Variants in EXOC4 observed in about 807,000 individuals in gnomAD.
The protein encoded by EXOC4 is exocyst complex component 4, also known as SEC8-like 1.
A neutral mutation model predicts 107.2 loss-of-function variants in EXOC4; 71 were observed. That is an observed-to-expected ratio of 0.66 (90% CI 0.55 to 0.81). The LOEUF is 0.81. EXOC4 is among the 30% of genes least tolerant of loss of function. The pLI, the probability that EXOC4 is intolerant of heterozygous loss-of-function variation, is 0.00. For synonymous variants in EXOC4, 456 were observed against 441.2 expected (o/e 1.03, Z -0.42); for missense variants, 1,108 against 1,189.6 (o/e 0.93, Z 1.01).
At chr7:133,798,661 C>T (rs1282959556) in intron 10 of EXOC4, among the ~76,000 whole-genome samples, 4 of 152,154 alleles carry the variant, frequency 2.6e-5, no homozygotes, top group African/African-American at 9.7e-5. Flanking sequence ...TCTGGGAAAG[C>T]TGAAATTCCA....
chr7:133,257,753 A>G (rs1795051902), intron 1 of EXOC4, among the ~76,000 whole-genome samples: 1 of 152,234 alleles, frequency 6.6e-6, no homozygotes, highest in South Asian at 2.1e-4. Context: ...GAAGGCTCAC[A>G]TTTTCATCAA....
chr7:133,340,038 A>G (rs1450609602), intron 5 of EXOC4, among the ~76,000 whole-genome samples: 2 of 152,102 alleles, frequency 1.3e-5, no homozygotes, highest in African/African-American at 2.4e-5. Context: ...TAGGACTTCC[A>G]GGAGTATGTT....
chr7:134,069,828 G>T (rs1478060336), downstream of EXOC4, among the ~76,000 whole-genome samples: 1 of 152,116 alleles, frequency 6.6e-6, no homozygotes, highest in Non-Finnish European at 1.5e-5. Context: ...TTTATGAATG[G>T]ACTGAGGCCA....
intron 14 of EXOC4, among the ~76,000 whole-genome samples, chr7:133,960,419 A>G (rs1800915584): frequency 6.6e-6 from 1 of 152,200 alleles, no homozygotes; most frequent in African/African-American, 2.4e-5. Flanking sequence ...AATAGTGTCA[A>G]TAGGATTAGT....
At chr7:133,546,405 G>T (rs956105686) in intron 9 of EXOC4, among the ~76,000 whole-genome samples, 3 of 151,838 alleles carry the variant, frequency 2.0e-5, no homozygotes, top group Admixed American at 6.6e-5. Context: ...ACAGGCATGT[G>T]CCACCATACC....
chr7:133,595,326 A>G (rs1801641099), intron 9 of EXOC4, among the ~76,000 whole-genome samples: 1 of 152,124 alleles, frequency 6.6e-6, no homozygotes, highest in Non-Finnish European at 1.5e-5. Context: ...ACAACCTAGA[A>G]AGTCTGTCTC....
At chr7:133,419,616 G>A (rs923559872) in intron 7 of EXOC4, among the ~76,000 whole-genome samples, 33 of 152,034 alleles carry the variant, frequency 2.2e-4, no homozygotes, top group Admixed American at 6.6e-4. Context: ...TGTGTTTTAA[G>A]GGGATCATAG....
chr7:133,640,242 C>T (rs773014604), intron 10 of EXOC4, among the ~76,000 whole-genome samples: 14 of 152,030 alleles, frequency 9.2e-5, no homozygotes, highest in Admixed American at 2.6e-4. Flanking sequence ...AATTCTATCC[C>T]TACAGATAGA....
chr7:133,433,000 G>A (rs190337499), intron 7 of EXOC4, among the ~76,000 whole-genome samples: 96 of 152,190 alleles, frequency 6.3e-4, no homozygotes, highest in African/African-American at 2.2e-3. Flanking sequence ...AATCATGTCC[G>A]TTTATACGAT....
chr7:133,380,358 A>G (rs890502342), intron 7 of EXOC4, among the ~76,000 whole-genome samples: 7 of 152,082 alleles, frequency 4.6e-5, no homozygotes, highest in African/African-American at 1.7e-4. Flanking sequence ...TTATTGAAAT[A>G]TAATTTACAT....
chr7:133,356,522 C>G lies in EXOC4; in HGVS notation c.956C>G (p.Ala319Gly), dbSNP rs200156091. The part of the protein sequence containing the change: ...QIVKRSTTQV[A>G]DSGYQRGENV... ...GTGAAGAGGTCTACAACCCAGGTGG[C>G]AGACAGTGGCTATCAGCGGGGGGAG... The change falls in exon 6 of 18, where the codon GCA becomes GGA. Residue 319 changes from alanine (A) to glycine (G), a missense_variant. By Grantham distance (60) the Ala-to-Gly change is moderately conservative. Transcript: ENST00000253861. 1.2e-6 allele frequency: 2 copies of G among 1,614,026 alleles called. No homozygotes were observed. The highest frequency in any genetic ancestry group is 1.7e-5 in the Admixed American group (1 of 60,002).
At chr7:133,902,057 C>T (rs1191478238) in intron 12 of EXOC4, among the ~76,000 whole-genome samples, 1 of 152,194 alleles carries the variant, frequency 6.6e-6, no homozygotes, top group Non-Finnish European at 1.5e-5. Context: ...TGAGATCCTC[C>T]TAGCTTCTAG....
At chr7:133,557,424 C>T (rs1800714132) in intron 9 of EXOC4, among the ~76,000 whole-genome samples, 1 of 152,024 alleles carries the variant, frequency 6.6e-6, no homozygotes, top group Non-Finnish European at 1.5e-5. Context: ...ATGGTATATG[C>T]CATATGCATT....
intron 10 of EXOC4, among the ~76,000 whole-genome samples, chr7:133,707,406 A>T (rs1055513959): frequency 2.0e-5 from 3 of 151,792 alleles, no homozygotes; most frequent in African/African-American, 7.3e-5. Context: ...AAAATAAAAG[A>T]TGATAGAAAA....
intron 17 of EXOC4, among the ~76,000 whole-genome samples, chr7:134,017,295 C>T (rs1052047397): frequency 6.6e-6 from 1 of 151,708 alleles, no homozygotes; most frequent in Non-Finnish European, 1.5e-5. Flanking sequence ...ATGATGATGC[C>T]CCTTAAAATG....
intron 9 of EXOC4, among the ~76,000 whole-genome samples, chr7:133,518,558 A>T (rs1293937248): frequency 2.0e-5 from 3 of 152,144 alleles, no homozygotes. Context: ...TCATAGCAGC[A>T]TCATTCACAT....
chr7:133,949,900 CA>C (rs1800651019), intron 14 of EXOC4, among the ~76,000 whole-genome samples: 1 of 152,106 alleles, frequency 6.6e-6, no homozygotes, highest in Non-Finnish European at 1.5e-5. Flanking sequence ...TAACAATCAC[CA>C]CTTAAAAGAT....
At chr7:133,475,578 G>T (rs1798992228) in intron 8 of EXOC4, 105 bp downstream of exon 8, 1 of 1,026,942 alleles carries the variant, frequency 9.7e-7, no homozygotes, top group African/African-American at 1.6e-5. Context: ...TAAGTTGATT[G>T]AAGTAATTTA....
At chr7:134,043,356 A>G (rs1385636471) in intron 17 of EXOC4, among the ~76,000 whole-genome samples, 4 of 152,162 alleles carry the variant, frequency 2.6e-5, no homozygotes, top group African/African-American at 9.7e-5. Context: ...CCCCCAAGCA[A>G]CTATTACTGA....
Sources: gnomAD v4.1 joint callset for allele counts (sites outside exome capture counted in the v4.1 genomes callset) on GRCh38, gnomAD v4.1.1 for gene constraint, MANE v1.5 for transcripts, NCBI Gene and HGNC (gene_info 2026-07-23, HGNC 2026-07-21) for gene names.